The following ZRANB3 variants were observed in gnomAD, a reference collection of about 807,000 sequenced individuals.
ZRANB3 encodes the protein zinc finger RANBP2-type containing 3, also known as DNA annealing helicase and endonuclease ZRANB3.
ZRANB3 carries 125 observed loss-of-function variants against 133.8 expected under a neutral mutation model. The observed-to-expected ratio is 0.93, with a 90% CI of 0.81 to 1.08. The LOEUF (loss-of-function observed/expected upper bound fraction) is 1.08. ZRANB3 is among the 50% of genes least tolerant of loss of function. ZRANB3 has a pLI of 0.00. For synonymous variants in ZRANB3, 387 were observed against 432.7 expected, an observed-to-expected ratio of 0.89 and a Z score of 1.31; for missense variants, 1,229 against 1,275.5, an observed-to-expected ratio of 0.96 and a Z score of 0.56.
chr2:135,496,299 G>A (rs923226118), intron 2 of ZRANB3, among the ~76,000 whole-genome samples: 6 of 147,482 alleles, frequency 4.1e-5, no homozygotes, highest in African/African-American at 1.0e-4. Context: ...CAGGACAATC[G>A]CTTGAACACA....
chr2:135,498,041 ACT>A (rs1248879113), intron 2 of ZRANB3, among the ~76,000 whole-genome samples: 2 of 151,602 alleles, frequency 1.3e-5, no homozygotes, highest in African/African-American at 4.9e-5. Flanking sequence ...CGACAGCGAG[ACT>A]CTGTCTCTAA....
chr2:135,226,359 T>C (rs1694761161), intron 14 of ZRANB3, among the ~76,000 whole-genome samples: 1 of 152,172 alleles, frequency 6.6e-6, no homozygotes, highest in Admixed American at 6.5e-5. Flanking sequence ...AAAGAGCATA[T>C]GTAGGTAGAA....
intron 2 of ZRANB3, among the ~76,000 whole-genome samples, chr2:135,483,198 G>C (rs953800109): frequency 3.3e-5 from 5 of 151,668 alleles, no homozygotes; most frequent in African/African-American, 1.2e-4. Flanking sequence ...AATGGTACCA[G>C]CTCCTCCTTG....
At chr2:135,308,140 C>G (rs1682791499) in intron 8 of ZRANB3, among the ~76,000 whole-genome samples, 1 of 152,088 alleles carries the variant, frequency 6.6e-6, no homozygotes, top group Non-Finnish European at 1.5e-5. Flanking sequence ...GTTCCTGTCC[C>G]CCACCACTAA....
chr2:135,487,284 T>A (rs1176010696), intron 2 of ZRANB3, among the ~76,000 whole-genome samples: 1 of 152,240 alleles, frequency 6.6e-6, no homozygotes, highest in Non-Finnish European at 1.5e-5. Context: ...CCAGGCTTTG[T>A]TATTCTACTT....
chr2:135,203,055 G>A, intron 19 of ZRANB3, 92 bp from the exon 20 acceptor site: 1 of 1,425,374 alleles, frequency 7.0e-7, no homozygotes, highest in Non-Finnish European at 9.5e-7. Flanking sequence ...TGTTTATACA[G>A]GAAAATCATG....
At chr2:135,418,590 C>G (rs189755242) in intron 2 of ZRANB3, among the ~76,000 whole-genome samples, 2 of 152,160 alleles carry the variant, frequency 1.3e-5, no homozygotes, top group East Asian at 3.9e-4. Context: ...ATGCTAAGAG[C>G]CAAATGTACA....
chr2:135,351,275 T>C (rs1169686533), intron 4 of ZRANB3, among the ~76,000 whole-genome samples: 3 of 148,470 alleles, frequency 2.0e-5, no homozygotes, highest in Non-Finnish European at 4.5e-5. Context: ...CTTTTTTTTT[T>C]TTTTTTTTTT....
intron 2 of ZRANB3, among the ~76,000 whole-genome samples, chr2:135,430,719 T>C (rs1689285577): frequency 6.6e-6 from 1 of 152,146 alleles, no homozygotes; most frequent in South Asian, 2.1e-4. Context: ...AGAATAGATA[T>C]ATAGATTAAT....
chr2:135,357,487 G>C (rs956154608), intron 3 of ZRANB3, among the ~76,000 whole-genome samples: 3 of 152,098 alleles, frequency 2.0e-5, no homozygotes, highest in Non-Finnish European at 4.4e-5. Flanking sequence ...GTAGAGACGG[G>C]GTTTCGCCAT....
intron 8 of ZRANB3, among the ~76,000 whole-genome samples, chr2:135,306,450 G>C (rs1020334898): frequency 8.6e-5 from 13 of 150,292 alleles, no homozygotes; most frequent in African/African-American, 3.2e-4. Context: ...ACCACGCCCG[G>C]CTAATTTTTT....
At chr2:135,488,310 G>A (rs1377285338) in intron 2 of ZRANB3, among the ~76,000 whole-genome samples, 3 of 151,950 alleles carry the variant, frequency 2.0e-5, no homozygotes, top group African/African-American at 4.8e-5. Flanking sequence ...TTGAAATATT[G>A]AGAATTACTA....
chr2:135,311,353 T>A (rs535502857), intron 8 of ZRANB3, among the ~76,000 whole-genome samples: 1 of 152,272 alleles, frequency 6.6e-6, no homozygotes, highest in East Asian at 1.9e-4. Flanking sequence ...TCATACAATG[T>A]CAGTAGAAAT....
intron 2 of ZRANB3, among the ~76,000 whole-genome samples, chr2:135,478,339 A>C (rs1691593661): frequency 1.3e-5 from 2 of 152,134 alleles, no homozygotes; most frequent in Admixed American, 1.3e-4. Flanking sequence ...AAAAGAGCAT[A>C]CCAATGTAAA....
At chr2:135,304,516 T>A (rs1682585348) in intron 8 of ZRANB3, among the ~76,000 whole-genome samples, 1 of 152,180 alleles carries the variant, frequency 6.6e-6, no homozygotes, top group Non-Finnish European at 1.5e-5. Flanking sequence ...GTTTTCTCAT[T>A]ATTTTGTTTG....
intron 8 of ZRANB3, among the ~76,000 whole-genome samples, chr2:135,301,841 G>C (rs1326686577): frequency 1.3e-5 from 2 of 152,044 alleles, no homozygotes; most frequent in African/African-American, 2.4e-5. Flanking sequence ...TTATTTCATG[G>C]TCTTCCCCAG....
chr2:135,311,136 C>A (rs182802852), intron 8 of ZRANB3, among the ~76,000 whole-genome samples: 2 of 152,156 alleles, frequency 1.3e-5, no homozygotes, highest in East Asian at 3.9e-4. Flanking sequence ...GTTCTTATTA[C>A]CCCATATAAA....
chr2:135,350,233 T>C lies in ZRANB3; in HGVS notation c.360-18A>G, dbSNP rs376125504. ...ACATTCTCCTAGAAAAGAAAATCCA[T>C]GTACTTAAAAAATATCTCAGTAATG... On this transcript the variant is annotated intron_variant, in intron 4 of 20. Transcript: ENST00000264159. 7.1e-6 allele frequency: 11 copies of C among 1,538,734 alleles called. No homozygotes were observed. The highest frequency in any genetic ancestry group is 1.2e-5 in the South Asian group (1 of 84,586).
chr2:135,279,004 A>T (rs1360086270), intron 8 of ZRANB3, among the ~76,000 whole-genome samples: 1 of 152,184 alleles, frequency 6.6e-6, no homozygotes, highest in African/African-American at 2.4e-5. Flanking sequence ...AATTGATGAC[A>T]GCTAAAATTA....
Sources: gnomAD v4.1 joint callset for allele counts (sites outside exome capture counted in the v4.1 genomes callset) on GRCh38, gnomAD v4.1.1 for gene constraint, MANE v1.5 for transcripts, NCBI Gene and HGNC (gene_info 2026-07-23, HGNC 2026-07-21) for gene names.